Variants in SCLT1 observed in about 807,000 individuals in gnomAD.
The protein encoded by SCLT1 is sodium channel-associated protein 1.
A neutral mutation model predicts 112.8 loss-of-function variants in SCLT1; 78 were observed. That is an observed-to-expected ratio of 0.69 (90% CI 0.58 to 0.83). The LOEUF is 0.83. Ranked by LOEUF, SCLT1 falls within the 40% of genes least tolerant of loss-of-function variation. The probability of loss-of-function intolerance (pLI) is 0.00; values close to 1 mark genes in which losing one functional copy is unlikely to be tolerated. For synonymous variants in SCLT1, 257 were observed against 254.7 expected (o/e 1.01, Z -0.09); for missense variants, 747 against 770.4 (o/e 0.97, Z 0.36).
In SCLT1 at chr4:128,943,013, T is replaced by A. The variant is rs774139322; in HGVS notation, c.1615A>T (p.Lys539Ter). Residue 539 changes from lysine (K) to a stop codon, truncating the protein, a stop_gained, in exon 17 of 21, where the codon AAA becomes TAA. Transcript: ENST00000281142. LOFTEE classifies it high-confidence loss of function. Reference protein sequence around the residue: ...SLRKIALEAQKKAKVKISTME... With the variant: ...SLRKIALEAQ ...GAAAATACCTTTACTTTGGCTTTTT[T>A]TTGAGCCTCCAGGGCAATCTTCCTT... is the stretch of plus-strand genomic sequence containing the variant. 3 of 1,605,600 alleles carry A rather than the reference T, an allele frequency of 1.9e-6. No homozygotes were observed. The South Asian group carries it at 3.4e-5, about 18-fold the overall frequency.
chr4:129,065,358 T>C (rs1364247127), intron 2 of SCLT1, among the ~76,000 whole-genome samples: 1 of 152,100 alleles, frequency 6.6e-6, no homozygotes, highest in Non-Finnish European at 1.5e-5. Flanking sequence ...TGTGTGTGTA[T>C]GCGTGTGCAC....
chr4:129,050,679 T>C (rs1748696085), intron 2 of SCLT1, among the ~76,000 whole-genome samples: 1 of 152,238 alleles, frequency 6.6e-6, no homozygotes, highest in Non-Finnish European at 1.5e-5. Context: ...ATTCTGTAGG[T>C]TGCCTGTTCA....
chr4:128,987,875 T>C (rs1452406851), intron 9 of SCLT1, among the ~76,000 whole-genome samples: 6 of 152,088 alleles, frequency 3.9e-5, no homozygotes, highest in Admixed American at 6.6e-5. Flanking sequence ...ATAAGACTAC[T>C]TCAGGACATA....
At chr4:129,004,021 G>T in intron 5 of SCLT1, 145 bp from the exon 6 acceptor site, 2 of 684,320 alleles carry the variant, frequency 2.9e-6, no homozygotes, top group Non-Finnish European at 4.9e-6. Context: ...AATTAGAAGT[G>T]TTTAATTACC....
chr4:129,040,272 T>C (rs560538648), intron 4 of SCLT1: 4 of 700,414 alleles, frequency 5.7e-6, no homozygotes, highest in African/African-American at 5.2e-5. Context: ...GCACTGACCA[T>C]ATATGGACTG....
rs1392501926 is a variant in SCLT1 at position 128,936,830 on chromosome 4, A to T, written c.1654T>A (p.Phe552Ile). The change falls in exon 18 of 21, where the codon TTT becomes ATT. Residue 552 changes from phenylalanine (F) to isoleucine (I), a missense_variant. By Grantham distance (21) the Phe-to-Ile change is conservative. Coordinates refer to ENST00000281142, the MANE Select transcript of SCLT1 (RefSeq NM_144643.4). ...TCAAATCCACGTTCCTTTATTGAAA[A>T]TTCATGTTCCATTGTACTGATCTAA... is the stretch of plus-strand genomic sequence containing the variant. The part of the protein sequence containing the change: ...KVKISTMEHE[F>I]SIKERGFEVQ... 2 of 1,578,768 alleles carry T rather than the reference A, an allele frequency of 1.3e-6. No individual in the cohort carries two copies. The highest frequency in any genetic ancestry group is 1.7e-6 in the Non-Finnish European group (2 of 1,154,548).
intron 2 of SCLT1, among the ~76,000 whole-genome samples, chr4:129,049,487 G>A (rs59238694): frequency 2.7e-5 from 3 of 110,514 alleles, no homozygotes; most frequent in Non-Finnish European, 5.3e-5. Context: ...TGTGGGGTGG[G>A]GGGAGGGGGG....
rs1200529174 is a variant in SCLT1, at chr4:129,082,292, T to A, written c.102+14A>T. 7.7e-7 allele frequency: 1 copy of A among 1,294,968 alleles called. No individual in the cohort carries two copies. Among genetic ancestry groups the A allele is most frequent in the Non-Finnish European group, 1.1e-6 (1 of 941,514 alleles). The allele number at this position is 1,294,968 out of a possible 1,614,324, so 80.2% of individuals were successfully genotyped here. ...CATGAGAATATTCCCAAGTAGAATT[T>A]ATAATTTACATACCTGTACAGATGA... On this transcript the variant is annotated intron_variant, in intron 2 of 20. Coordinates refer to ENST00000281142, the MANE Select transcript of SCLT1 (RefSeq NM_144643.4).
At chr4:129,060,523 G>A (rs1304444372) in intron 2 of SCLT1, among the ~76,000 whole-genome samples, 1 of 152,146 alleles carries the variant, frequency 6.6e-6, no homozygotes. Flanking sequence ...GTACCAGTTG[G>A]GAAGGGCGTG....
intron 2 of SCLT1, among the ~76,000 whole-genome samples, chr4:129,072,756 C>G (rs1751133261): frequency 6.6e-6 from 1 of 151,944 alleles, no homozygotes; most frequent in Non-Finnish European, 1.5e-5. Context: ...TTTTCTTGTC[C>G]CTCCCTGATT....
At chr4:129,034,109 C>A (rs566309888) in intron 5 of SCLT1, among the ~76,000 whole-genome samples, 1 of 152,126 alleles carries the variant, frequency 6.6e-6, no homozygotes, top group South Asian at 2.1e-4. Flanking sequence ...TCTGAAATTA[C>A]ATAAACACAT....
chr4:128,886,782 G>C (rs1191478070), intron 20 of SCLT1, among the ~76,000 whole-genome samples: 1 of 152,140 alleles, frequency 6.6e-6, no homozygotes, highest in Non-Finnish European at 1.5e-5. Context: ...GTACTAGACT[G>C]TTTAGGTTTA....
chr4:128,959,571 T>C (rs1288067705), intron 12 of SCLT1, 29 bp downstream of exon 12: 1 of 1,545,730 alleles, frequency 6.5e-7, no homozygotes, highest in Non-Finnish European at 8.9e-7. Flanking sequence ...CATTTTATTA[T>C]ATCTAAACAT....
intron 2 of SCLT1, among the ~76,000 whole-genome samples, chr4:129,054,497 G>C (rs1225070371): frequency 1.3e-5 from 2 of 151,922 alleles, no homozygotes; most frequent in Non-Finnish European, 2.9e-5. Context: ...ATTTCAGTAA[G>C]TTGATTTTCA....
chr4:129,035,991 C>T (rs1391254752), intron 5 of SCLT1, among the ~76,000 whole-genome samples: 1 of 151,838 alleles, frequency 6.6e-6, no homozygotes, highest in Non-Finnish European at 1.5e-5. Flanking sequence ...AAATTGTATA[C>T]TTTTACATAA....
intron 18 of SCLT1, among the ~76,000 whole-genome samples, chr4:128,900,155 C>G (rs1734148207): frequency 1.3e-5 from 2 of 152,132 alleles, no homozygotes; most frequent in African/African-American, 2.4e-5. Context: ...TGACTTTCTT[C>G]ACAGAATTGG....
chr4:129,006,838 A>C (rs1744072849), intron 5 of SCLT1, among the ~76,000 whole-genome samples: 1 of 152,182 alleles, frequency 6.6e-6, no homozygotes, highest in Non-Finnish European at 1.5e-5. Flanking sequence ...CCTCTTCAAC[A>C]AATTCTAAGA....
chr4:129,083,382 G>C (rs1204894203), intron 1 of SCLT1, among the ~76,000 whole-genome samples: 3 of 145,704 alleles, frequency 2.1e-5, no homozygotes, highest in Admixed American at 1.4e-4. Flanking sequence ...TCTCAATAAT[G>C]TTCAAAGGAC....
chr4:129,007,552 G>A (rs546995453), intron 5 of SCLT1, among the ~76,000 whole-genome samples: 7 of 152,136 alleles, frequency 4.6e-5, no homozygotes, highest in Admixed American at 6.5e-5. Context: ...TTACCAGCAT[G>A]TTTTCAGTTA....
Sources: gnomAD v4.1 joint callset for allele counts (sites outside exome capture counted in the v4.1 genomes callset) on GRCh38, gnomAD v4.1.1 for gene constraint, MANE v1.5 for transcripts, NCBI Gene and HGNC (gene_info 2026-07-23, HGNC 2026-07-21) for gene names.